CFAP20DC: variants seen among roughly 807,000 people sequenced by gnomAD.
CFAP20DC encodes the protein protein CFAP20DC.
A neutral mutation model predicts 101.7 loss-of-function variants in CFAP20DC; 84 were observed. The ratio of observed to expected loss-of-function variants is 0.83; its 90% CI spans 0.69 to 0.99. The LOEUF is 0.99. Ranked by LOEUF, CFAP20DC falls within the 50% of genes least tolerant of loss-of-function variation. The pLI, the probability that CFAP20DC is intolerant of heterozygous loss-of-function variation, is 0.00. For synonymous variants in CFAP20DC, 359 were observed against 351.2 expected (o/e 1.02, Z -0.25); for missense variants, 1,007 against 970.3 (o/e 1.04, Z -0.50).
At chr3:59,013,840 G>A (rs1462392978) in intron 4 of CFAP20DC, among the ~76,000 whole-genome samples, 2 of 152,086 alleles carry the variant, frequency 1.3e-5, no homozygotes, top group Non-Finnish European at 2.9e-5. Context: ...TCTTCCTACT[G>A]TTTGAATATA....
chr3:58,946,381 T>G (rs545828426), intron 4 of CFAP20DC, among the ~76,000 whole-genome samples: 54 of 152,166 alleles, frequency 3.5e-4, no homozygotes, highest in Non-Finnish European at 6.8e-4. Context: ...CCTCCCAAAG[T>G]GCTGGGATTA....
intron 15 of CFAP20DC, among the ~76,000 whole-genome samples, chr3:58,778,712 A>T (rs558560289): frequency 4.6e-5 from 7 of 152,342 alleles, no homozygotes; most frequent in African/African-American, 1.7e-4. Context: ...CCTGGGGCCC[A>T]AATACAGGCA....
chr3:58,905,782 C>T (rs2083525412), intron 6 of CFAP20DC, among the ~76,000 whole-genome samples: 1 of 152,178 alleles, frequency 6.6e-6, no homozygotes, highest in African/African-American at 2.4e-5. Context: ...AAGTTCTCAA[C>T]ACAGCCTCAT....
chr3:58,981,553 C>T (rs1232149075), intron 4 of CFAP20DC, among the ~76,000 whole-genome samples: 1 of 152,200 alleles, frequency 6.6e-6, no homozygotes, highest in Non-Finnish European at 1.5e-5. Flanking sequence ...AATGATGCTG[C>T]ATGTCTACAA....
intron 4 of CFAP20DC, among the ~76,000 whole-genome samples, chr3:58,989,719 A>C (rs2092873853): frequency 6.6e-6 from 1 of 152,182 alleles, no homozygotes; most frequent in Admixed American, 6.5e-5. Flanking sequence ...GAAGTAAATT[A>C]TTTCCATAGT....
intron 14 of CFAP20DC, among the ~76,000 whole-genome samples, chr3:58,815,024 A>C (rs2074997234): frequency 2.0e-5 from 3 of 151,456 alleles, no homozygotes; most frequent in Admixed American, 1.3e-4. Flanking sequence ...GTTCATATGG[A>C]ACCAAAAAAG....
At chr3:58,798,880 G>A (rs2073454870) in intron 15 of CFAP20DC, among the ~76,000 whole-genome samples, 1 of 152,158 alleles carries the variant, frequency 6.6e-6, no homozygotes, top group Non-Finnish European at 1.5e-5. Flanking sequence ...TAGCAATAAA[G>A]TATTTTCAAA....
intron 5 of CFAP20DC, among the ~76,000 whole-genome samples, chr3:58,931,656 G>A (rs1480026623): frequency 6.6e-6 from 1 of 152,218 alleles, no homozygotes; most frequent in Non-Finnish European, 1.5e-5. Flanking sequence ...GGATACCCAG[G>A]CAAATAGGGT....
chr3:58,890,376 G>A, intron 6 of CFAP20DC, among the ~76,000 whole-genome samples: 1 of 143,720 alleles, frequency 7.0e-6, no homozygotes, highest in Middle Eastern at 3.9e-3. Flanking sequence ...CTTCCCAGTA[G>A]GGGCGGCCGG....
At chr3:58,955,731 G>A (rs1207610624) in intron 4 of CFAP20DC, among the ~76,000 whole-genome samples, 1 of 151,754 alleles carries the variant, frequency 6.6e-6, no homozygotes, top group African/African-American at 2.4e-5. Flanking sequence ...GACACCAGCT[G>A]GAATAGCTAA....
chr3:58,941,498 C>T (rs2088578341), intron 4 of CFAP20DC, among the ~76,000 whole-genome samples: 1 of 152,016 alleles, frequency 6.6e-6, no homozygotes, highest in Non-Finnish European at 1.5e-5. Context: ...GGATTTTATA[C>T]ATAAACAATC....
At chr3:58,931,003 T>G (rs1158867669) in intron 5 of CFAP20DC, among the ~76,000 whole-genome samples, 1 of 152,032 alleles carries the variant, frequency 6.6e-6, no homozygotes, top group Non-Finnish European at 1.5e-5. Context: ...GGTCAGGGAG[T>G]TCCCTTTCCT....
intron 6 of CFAP20DC, among the ~76,000 whole-genome samples, chr3:58,893,080 G>A (rs537300583): frequency 1.8e-4 from 27 of 147,938 alleles, no homozygotes; most frequent in Admixed American, 4.1e-4. Flanking sequence ...GTCTCGCTCA[G>A]TCGCCCAGGC....
chr3:58,886,474 C>T (rs987682816), intron 6 of CFAP20DC, among the ~76,000 whole-genome samples: 2 of 151,678 alleles, frequency 1.3e-5, no homozygotes. Context: ...GTGTGTAATC[C>T]CAGCACTTTG....
At chr3:58,811,650 G>T (rs2074647196) in intron 14 of CFAP20DC, among the ~76,000 whole-genome samples, 1 of 152,056 alleles carries the variant, frequency 6.6e-6, no homozygotes, top group Admixed American at 6.6e-5. Context: ...CATGGGCAAG[G>T]ACTTCATGTC....
At chr3:58,717,325 C>A (rs1181650829), downstream of CFAP20DC, 1 of 212,826 alleles carries the variant, frequency 4.7e-6, no homozygotes, top group African/African-American at 2.4e-5. This position sits in a 1 kb window ranked among gnomAD's most constrained non-coding sequence, Gnocchi z 4.1. Flanking sequence ...CCCTGGTCTG[C>A]CGTCCACACT....
chr3:58,727,093 C>T (rs1042150623), intron 3 of CFAP20DC: 11 of 205,078 alleles, frequency 5.4e-5, no homozygotes, highest in Non-Finnish European at 5.1e-5. Flanking sequence ...TTGGCTCCAC[C>T]TCCCATAGGG....
At chr3:58,950,092 T>C (rs2089916959) in intron 4 of CFAP20DC, among the ~76,000 whole-genome samples, 2 of 152,158 alleles carry the variant, frequency 1.3e-5, no homozygotes, top group African/African-American at 4.8e-5. Context: ...ACAAAATCAA[T>C]GTGCAAAAAT....
intron 13 of CFAP20DC, among the ~76,000 whole-genome samples, chr3:58,845,298 C>G (rs1261046609): frequency 6.6e-6 from 1 of 151,558 alleles, no homozygotes; most frequent in African/African-American, 2.4e-5. Context: ...AGAGAAGAAT[C>G]AAATAGATGC....
Sources: gnomAD v4.1 joint callset for allele counts (sites outside exome capture counted in the v4.1 genomes callset) on GRCh38, gnomAD v4.1.1 for gene constraint, Gnocchi (gnomAD v3.1) non-coding constraint, MANE v1.5 for transcripts, NCBI Gene and HGNC (gene_info 2026-07-23, HGNC 2026-07-21) for gene names.